The following HK1 variants were observed in gnomAD, a reference collection of about 807,000 sequenced individuals.
HK1 encodes hexokinase 1.
In HK1, 28 loss-of-function variants were observed where a neutral mutation model predicts 91.6. The observed-to-expected ratio is 0.31, with a 90% confidence interval of 0.23 to 0.42. HK1 has a LOEUF of 0.42. HK1 is among the 10% of genes least tolerant of loss of function. The pLI is 1.00. For missense variants in HK1, 770 were observed against 1,219.8 expected (o/e 0.63, Z 5.49); for synonymous variants, 430 against 468.1 (o/e 0.92, Z 1.05).
intron 1 of HK1, among the ~76,000 whole-genome samples, chr10:69,325,153 G>T (rs1396098040): frequency 1.4e-5 from 2 of 146,486 alleles, no homozygotes; most frequent in East Asian, 2.1e-4. Context: ...CTGGGTTCTC[G>T]CCATTCTCCT....
chr10:69,342,831 G>C (rs1159937651), intron 1 of HK1, among the ~76,000 whole-genome samples: 2 of 152,212 alleles, frequency 1.3e-5, no homozygotes, highest in African/African-American at 4.8e-5. Context: ...CAGGTGTCTA[G>C]CTCAATTCTA....
chr10:69,341,784 G>T (rs1381531654), intron 1 of HK1, among the ~76,000 whole-genome samples: 2 of 152,052 alleles, frequency 1.3e-5, no homozygotes, highest in South Asian at 4.2e-4. Context: ...TCTGGCTCTT[G>T]GTGGTTCCTG....
At chr10:69,394,058 GAT>G (rs1226571995) in intron 15 of HK1, among the ~76,000 whole-genome samples, 1 of 152,228 alleles carries the variant, frequency 6.6e-6, no homozygotes, top group Non-Finnish European at 1.5e-5. Flanking sequence ...ACCCCTCTGT[GAT>G]TCCATTCTGT....
intron 2 of HK1, among the ~76,000 whole-genome samples, chr10:69,353,618 C>CA (rs71471542): frequency 0.026 from 3,036 of 116,660 alleles, 45 homozygotes; most frequent in Admixed American, 0.054. Context: ...CAAACAAAAC[C>CA]AAAAAAAAAA....
At chr10:69,398,513 G>T (rs140229226) in intron 16 of HK1, 82 bp from the exon 17 acceptor site, 6 of 968,166 alleles carry the variant, frequency 6.2e-6, no homozygotes, top group Non-Finnish European at 8.1e-6. Flanking sequence ...GATTGGGGGC[G>T]GGGGGCGTCC....
rs762730592 is a variant in HK1 at position 69,369,644 on chromosome 10, T to A, written c.875+20T>A. The A allele has an allele frequency of 6.2e-7, 1 of 1,608,618 alleles. No homozygotes were observed. The highest frequency in any genetic ancestry group is 1.7e-5 in the Admixed American group (1 of 59,434). On this transcript the variant is annotated intron_variant, in intron 7 of 17. Coordinates refer to ENST00000359426, the MANE Select transcript of HK1 (RefSeq NM_000188.3). This position sits in a 1 kb window ranked among gnomAD's most constrained non-coding sequence, Gnocchi z 4.4. ...ACAGCTGTGAGTCCTTGACTTTTGC[T>A]TCTAACCACATATGTGAGTTAGGGG...
rs568579596 is a variant in HK1, at chr10:69,310,385, A to G, written c.27+9524A>G. ...GCAGTGAGCCGAGATCGTGCCACTG[A>G]ACTGCAACCTGGGTGACAGAGCCAG... On this transcript the variant is annotated intron_variant, in intron 5 of 21. Coordinates refer to the HK1 transcript ENST00000360289. Among the ~76,000 whole-genome samples the G allele has an allele frequency of 1.1e-4, 16 of 150,144 alleles. No individual in the cohort carries two copies. The South Asian group carries it at 3.4e-3, about 32-fold the overall frequency.
intron 3 of HK1, among the ~76,000 whole-genome samples, chr10:69,361,531 G>C (rs1424874371): frequency 1.3e-5 from 2 of 152,340 alleles, no homozygotes; most frequent in East Asian, 3.9e-4. Flanking sequence ...TCAACACTGA[G>C]ACTCACCCTG....
chr10:69,370,885 T>A (rs1272811068), intron 7 of HK1, among the ~76,000 whole-genome samples: 1 of 152,176 alleles, frequency 6.6e-6, no homozygotes, highest in Non-Finnish European at 1.5e-5. Flanking sequence ...AAGTGCCTGC[T>A]CACATTTCTC....
intron 3 of HK1, among the ~76,000 whole-genome samples, chr10:69,291,910 G>A (rs1286376821): frequency 2.6e-5 from 4 of 152,140 alleles, no homozygotes; most frequent in African/African-American, 9.7e-5. Flanking sequence ...CTTCATTAGA[G>A]CCATTTCAGC....
intron 1 of HK1, among the ~76,000 whole-genome samples, chr10:69,274,851 G>A (rs1175260916): frequency 6.6e-6 from 1 of 152,036 alleles, no homozygotes; most frequent in African/African-American, 2.4e-5. Flanking sequence ...GACCATAAAA[G>A]CTGGCTGCTT....
intron 1 of HK1, among the ~76,000 whole-genome samples, chr10:69,281,702 T>C (rs1485599668): frequency 6.6e-6 from 1 of 151,966 alleles, no homozygotes; most frequent in East Asian, 1.9e-4. Context: ...ATACGAATAG[T>C]AGGAAAAAAG....
intron 1 of HK1, among the ~76,000 whole-genome samples, chr10:69,275,309 C>T (rs1358933507): frequency 1.3e-5 from 2 of 150,956 alleles, no homozygotes; most frequent in Non-Finnish European, 2.9e-5. Context: ...TAGCTTGAGG[C>T]CAGGAATTTG....
At chr10:69,337,087 G>C (rs1286692439) in intron 1 of HK1, among the ~76,000 whole-genome samples, 1 of 152,160 alleles carries the variant, frequency 6.6e-6, no homozygotes, top group Non-Finnish European at 1.5e-5. Context: ...CTCTGAAGTG[G>C]AGGATTTATT....
At chr10:69,344,076 C>A in intron 2 of HK1, 87 bp downstream of exon 2, 1 of 1,300,012 alleles carries the variant, frequency 7.7e-7, no homozygotes, top group Non-Finnish European at 1.1e-6. Flanking sequence ...TACATTTGCT[C>A]ATTCATTCAT....
intron 2 of HK1, among the ~76,000 whole-genome samples, chr10:69,351,801 G>A (rs1251014283): frequency 6.6e-6 from 1 of 152,140 alleles, no homozygotes; most frequent in Admixed American, 6.5e-5. Context: ...TGTAGAATGG[G>A]CATCCTGACA....
intron 2 of HK1, among the ~76,000 whole-genome samples, chr10:69,284,161 C>G (rs1314253904): frequency 6.6e-6 from 1 of 152,080 alleles, no homozygotes; most frequent in Non-Finnish European, 1.5e-5. Context: ...AGTTGAGGGA[C>G]AGTGTGCAAG....
intron 16 of HK1, among the ~76,000 whole-genome samples, chr10:69,397,312 T>C (rs1478628570): frequency 1.3e-5 from 2 of 152,190 alleles, no homozygotes; most frequent in African/African-American, 4.8e-5. Context: ...TCGCCAACAC[T>C]TGTTATTTTC....
intron 1 of HK1, among the ~76,000 whole-genome samples, chr10:69,270,446 G>T (rs879276089): frequency 3.9e-5 from 6 of 152,158 alleles, no homozygotes; most frequent in Non-Finnish European, 5.9e-5. Flanking sequence ...AGCTGGGCAT[G>T]GTGGCAGGTG....
Sources: gnomAD v4.1 joint callset for allele counts (sites outside exome capture counted in the v4.1 genomes callset) on GRCh38, gnomAD v4.1.1 for gene constraint, Gnocchi (gnomAD v3.1) non-coding constraint, MANE v1.5 for transcripts, NCBI Gene and HGNC (gene_info 2026-07-23, HGNC 2026-07-21) for gene names.